GRIN2A: variants seen among roughly 807,000 people sequenced by gnomAD.
The protein encoded by GRIN2A is glutamate receptor ionotropic, NMDA 2A.
A neutral mutation model predicts 113.4 loss-of-function variants in GRIN2A; 22 were observed. The observed-to-expected ratio is 0.19, with a 90% CI of 0.14 to 0.28. GRIN2A has a LOEUF of 0.28. Among genes scored for constraint, GRIN2A ranks in the 10% least tolerant of loss-of-function variants. The pLI is 1.00. For missense variants in GRIN2A, 1,502 were observed against 1,887.0 expected (o/e 0.80, Z 3.78); for synonymous variants, 827 against 738.4 (o/e 1.12, Z -1.94).
chr16:10,092,696 G>C (rs8048025), intron 2 of GRIN2A, among the ~76,000 whole-genome samples: 2,309 of 152,128 alleles, frequency 0.015, 27 homozygotes, highest in Middle Eastern at 0.02. Context: ...GAGCACAGAT[G>C]GGTTAAGTGA....
At chr16:9,884,034 CTTTA>C (rs951512845) in intron 4 of GRIN2A, among the ~76,000 whole-genome samples, 4 of 152,190 alleles carry the variant, frequency 2.6e-5, no homozygotes, top group African/African-American at 7.2e-5. Flanking sequence ...CTTCAAAAAT[CTTTA>C]TTTATCTCTC....
At chr16:9,903,685 G>A (rs2043976936) in intron 3 of GRIN2A, among the ~76,000 whole-genome samples, 1 of 152,148 alleles carries the variant, frequency 6.6e-6, no homozygotes, top group East Asian at 1.9e-4. Flanking sequence ...GACTCCTTCA[G>A]GTTAGACGCA....
chr16:9,946,974 A>T (rs1437348836), intron 2 of GRIN2A, among the ~76,000 whole-genome samples: 1 of 152,220 alleles, frequency 6.6e-6, no homozygotes, highest in Non-Finnish European at 1.5e-5. Flanking sequence ...ATTTTGCTTA[A>T]GCCAATTTGA....
intron 2 of GRIN2A, among the ~76,000 whole-genome samples, chr16:10,072,400 A>G (rs1347654981): frequency 6.6e-6 from 1 of 152,224 alleles, no homozygotes; most frequent in East Asian, 1.9e-4. Context: ...CTACAATTTT[A>G]TGGCTCCGAT....
chr16:9,936,126 T>G (rs9924230), intron 3 of GRIN2A, among the ~76,000 whole-genome samples: 2,121 of 152,230 alleles, frequency 0.014, 50 homozygotes, highest in African/African-American at 0.048. Context: ...AATATGACAA[T>G]CTCTAGAACA....
chr16:10,157,802 T>C (rs2049730710), intron 2 of GRIN2A, among the ~76,000 whole-genome samples: 1 of 152,184 alleles, frequency 6.6e-6, no homozygotes, highest in South Asian at 2.1e-4. Flanking sequence ...ATATGCTAAG[T>C]GAGACTTGGC....
At chr16:9,992,170 T>A (rs762840731) in intron 2 of GRIN2A, among the ~76,000 whole-genome samples, 1 of 152,214 alleles carries the variant, frequency 6.6e-6, no homozygotes, top group Non-Finnish European at 1.5e-5. Context: ...ATGGTATGTT[T>A]ATATCATTTT....
intron 11 of GRIN2A, among the ~76,000 whole-genome samples, chr16:9,770,104 T>G (rs1901169678): frequency 6.6e-6 from 1 of 152,214 alleles, no homozygotes. Context: ...CTGTTGCCAT[T>G]TAGGAGAAAA....
At chr16:10,127,096 C>A (rs1049131867) in intron 2 of GRIN2A, among the ~76,000 whole-genome samples, 1 of 152,152 alleles carries the variant, frequency 6.6e-6, no homozygotes, top group Non-Finnish European at 1.5e-5. Flanking sequence ...AAGAATTTCT[C>A]TCATGAACCC....
At chr16:9,766,590 C>T (rs892505780) in intron 12 of GRIN2A, among the ~76,000 whole-genome samples, 1 of 152,162 alleles carries the variant, frequency 6.6e-6, no homozygotes, top group African/African-American at 2.4e-5. Context: ...GGCTGTTTGT[C>T]CTGCCACAAA....
At chr16:9,927,426 C>G (rs181481885) in intron 3 of GRIN2A, among the ~76,000 whole-genome samples, 1 of 151,980 alleles carries the variant, frequency 6.6e-6, no homozygotes, top group Non-Finnish European at 1.5e-5. Flanking sequence ...CTTGAGGTAA[C>G]GAGGAAGTCA....
chr16:9,900,985 T>G (rs2043910207), intron 3 of GRIN2A, among the ~76,000 whole-genome samples: 1 of 152,242 alleles, frequency 6.6e-6, no homozygotes, highest in African/African-American at 2.4e-5. Flanking sequence ...GCGTGCATGT[T>G]GCTCTTCCAA....
At chr16:9,795,034 G>A (rs1164037435) in intron 11 of GRIN2A, among the ~76,000 whole-genome samples, 5 of 151,044 alleles carry the variant, frequency 3.3e-5, no homozygotes, top group African/African-American at 9.9e-5. Context: ...GATGATGACG[G>A]TGATGGTGGT....
At chr16:9,809,550 C>CT (rs1164215565) in intron 10 of GRIN2A, among the ~76,000 whole-genome samples, 24 of 150,110 alleles carry the variant, frequency 1.6e-4, no homozygotes, top group African/African-American at 6.0e-4. Flanking sequence ...TCTGTATTTT[C>CT]ATTTTTTTTT....
intron 2 of GRIN2A, among the ~76,000 whole-genome samples, chr16:10,139,288 C>T (rs1459600442): frequency 6.6e-6 from 1 of 152,176 alleles, no homozygotes; most frequent in South Asian, 2.1e-4. Flanking sequence ...GGTGAGCTTC[C>T]CCACCAAACC....
At chr16:10,001,081 AC>A (rs2046312010) in intron 2 of GRIN2A, among the ~76,000 whole-genome samples, 1 of 152,132 alleles carries the variant, frequency 6.6e-6, no homozygotes, top group Non-Finnish European at 1.5e-5. Flanking sequence ...AGCCTACCTT[AC>A]CCGTGGGCCC....
chr16:10,059,589 A>G (rs2047514302), intron 2 of GRIN2A, among the ~76,000 whole-genome samples: 1 of 152,180 alleles, frequency 6.6e-6, no homozygotes, highest in Non-Finnish European at 1.5e-5. Context: ...AGAAGCAAAT[A>G]ATAACTTTAG....
At chr16:9,873,407 A>C (rs371190851) in intron 4 of GRIN2A, among the ~76,000 whole-genome samples, 1 of 152,204 alleles carries the variant, frequency 6.6e-6, no homozygotes, top group African/African-American at 2.4e-5. Context: ...CTGAATGCCA[A>C]AAGTGGAATG....
At chr16:9,930,082 CACAA>C (rs1278571417) in intron 3 of GRIN2A, among the ~76,000 whole-genome samples, 1 of 152,094 alleles carries the variant, frequency 6.6e-6, no homozygotes, top group Non-Finnish European at 1.5e-5. Flanking sequence ...GGAGAGATGC[CACAA>C]ACAGAGATGA....
Sources: allele counts gnomAD v4.1 joint callset (sites outside exome capture counted in the v4.1 genomes callset), GRCh38; gene constraint gnomAD v4.1.1; transcripts MANE v1.5; gene names NCBI Gene and HGNC (gene_info 2026-07-23, HGNC 2026-07-21).